Variants in RYR2 observed in about 807,000 individuals in gnomAD.
RYR2 encodes cardiac muscle ryanodine receptor-calcium release channel.
In RYR2, 227 loss-of-function variants were observed where a neutral mutation model predicts 601.1. That is an observed-to-expected ratio of 0.38 (90% CI 0.34 to 0.42). The LOEUF is 0.42. Among genes scored for constraint, RYR2 ranks in the 10% least tolerant of loss-of-function variants. The pLI, the probability that RYR2 is intolerant of heterozygous loss-of-function variation, is 1.00. For missense variants in RYR2, 4,646 were observed against 6,156.5 expected, an observed-to-expected ratio of 0.75 and a Z score of 8.21; for synonymous variants, 2,223 against 2,175.1, an observed-to-expected ratio of 1.02 and a Z score of -0.61.
chr1:237,376,900 C>CA (rs1304961339), intron 7 of RYR2, among the ~76,000 whole-genome samples: 2 of 151,970 alleles, frequency 1.3e-5, no homozygotes, highest in Non-Finnish European at 2.9e-5. Context: ...AGAACATTTT[C>CA]AAAAAATTGT....
At chr1:237,147,209 T>TC (rs1185510151) in intron 1 of RYR2, among the ~76,000 whole-genome samples, 1 of 151,080 alleles carries the variant, frequency 6.6e-6, no homozygotes, top group African/African-American at 2.5e-5. Context: ...GAGAAATCTT[T>TC]CTTTTTAATT....
At chr1:237,735,795 G>C (rs1691089351) in intron 79 of RYR2, among the ~76,000 whole-genome samples, 1 of 152,094 alleles carries the variant, frequency 6.6e-6, no homozygotes, top group African/African-American at 2.4e-5. Context: ...GTAAATAGTT[G>C]TTCAACTCTA....
chr1:237,452,319 T>G (rs1658278150), intron 14 of RYR2, among the ~76,000 whole-genome samples: 1 of 146,632 alleles, frequency 6.8e-6, no homozygotes. Context: ...GTATATGTAT[T>G]ATATGCTATA....
intron 24 of RYR2, among the ~76,000 whole-genome samples, chr1:237,524,530 G>T (rs1667386773): frequency 6.6e-6 from 1 of 152,136 alleles, no homozygotes; most frequent in African/African-American, 2.4e-5. Flanking sequence ...CCTCTAAAAA[G>T]TACATTTTCT....
intron 1 of RYR2, among the ~76,000 whole-genome samples, chr1:237,261,946 T>C (rs941588595): frequency 6.6e-6 from 1 of 152,162 alleles, no homozygotes; most frequent in Non-Finnish European, 1.5e-5. Flanking sequence ...TTTGTCCTCT[T>C]CTCTTGCTAG....
intron 16 of RYR2, among the ~76,000 whole-genome samples, chr1:237,462,728 C>T (rs1386087984): frequency 1.3e-5 from 2 of 152,100 alleles, no homozygotes; most frequent in African/African-American, 4.8e-5. Context: ...AGGCAGATCT[C>T]CCTAAATGCC....
At chr1:237,577,380 G>C (rs1673341471) in intron 29 of RYR2, among the ~76,000 whole-genome samples, 2 of 152,190 alleles carry the variant, frequency 1.3e-5, no homozygotes, top group Admixed American at 1.3e-4. Context: ...TAGCAAAAGA[G>C]ATTTTGTTGA....
At chr1:237,681,892 A>G (rs769681962) in intron 62 of RYR2, among the ~76,000 whole-genome samples, 15 of 152,318 alleles carry the variant, frequency 9.8e-5, no homozygotes, top group Middle Eastern at 3.4e-3. Flanking sequence ...GAAATTGAGG[A>G]CACGTTGAAG....
chr1:237,294,057 G>C (rs899867906), intron 2 of RYR2, among the ~76,000 whole-genome samples: 1 of 152,086 alleles, frequency 6.6e-6, no homozygotes, highest in Non-Finnish European at 1.5e-5. Flanking sequence ...GAACAAAAAA[G>C]GATATTTTTA....
chr1:237,456,760 G>A, intron 16 of RYR2, 25 bp downstream of exon 16: 3 of 1,611,626 alleles, frequency 1.9e-6, no homozygotes, highest in South Asian at 1.1e-5. Context: ...TGGGTTCATA[G>A]CAACAGAGTT....
At chr1:237,454,245 C>T in intron 14 of RYR2, 146 bp from the exon 15 acceptor site, 1 of 765,524 alleles carries the variant, frequency 1.3e-6, no homozygotes, top group East Asian at 2.7e-5. Context: ...TCCATGATCA[C>T]TGCTTTTGGA....
chr1:237,748,717 A>G (rs1692289137), intron 80 of RYR2, among the ~76,000 whole-genome samples: 2 of 152,224 alleles, frequency 1.3e-5, no homozygotes, highest in Non-Finnish European at 2.9e-5. Context: ...ATTCATGCAT[A>G]TGAGTATGTG....
chr1:237,694,278 G>A (rs1034139226), intron 63 of RYR2, among the ~76,000 whole-genome samples: 15 of 148,694 alleles, frequency 1.0e-4, no homozygotes, highest in Non-Finnish European at 1.9e-4. Flanking sequence ...TGGGCGACAC[G>A]GCGAGACTCC....
intron 10 of RYR2, among the ~76,000 whole-genome samples, 199 bp from the exon 11 acceptor site, chr1:237,416,850 A>G (rs186482075): frequency 1.3e-5 from 2 of 152,200 alleles, no homozygotes; most frequent in East Asian, 3.9e-4. Context: ...TATTCAGGGA[A>G]AACTTAGGTT....
At chr1:237,073,078 G>A (rs1394642448) in intron 1 of RYR2, among the ~76,000 whole-genome samples, 1 of 152,110 alleles carries the variant, frequency 6.6e-6, no homozygotes, top group Non-Finnish European at 1.5e-5. Context: ...TAAGGACCTA[G>A]TGTAGAGGAC....
chr1:237,186,486 T>C (rs1218992031), intron 1 of RYR2, among the ~76,000 whole-genome samples: 1 of 152,236 alleles, frequency 6.6e-6, no homozygotes, highest in African/African-American at 2.4e-5. Flanking sequence ...TGTATTGAAA[T>C]GGCTTGAATT....
chr1:237,438,363 T>A (rs1273271497), intron 12 of RYR2, among the ~76,000 whole-genome samples: 1 of 152,208 alleles, frequency 6.6e-6, no homozygotes, highest in Non-Finnish European at 1.5e-5. Context: ...TTTCTTTGTA[T>A]CTGCTTATTT....
intron 1 of RYR2, among the ~76,000 whole-genome samples, chr1:237,145,080 A>G (rs1438570212): frequency 3.3e-5 from 5 of 149,944 alleles, no homozygotes; most frequent in African/African-American, 9.8e-5. Context: ...GGGTTGGGGG[A>G]GCTAGGGGAG....
At chr1:237,503,202 C>A in intron 21 of RYR2, 87 bp from the exon 22 acceptor site, 1 of 1,210,478 alleles carries the variant, frequency 8.3e-7, no homozygotes, top group Non-Finnish European at 1.2e-6. Flanking sequence ...TACTTTTGTA[C>A]TAACAATTTT....
Sources: gnomAD v4.1 joint callset for allele counts (sites outside exome capture counted in the v4.1 genomes callset) on GRCh38, gnomAD v4.1.1 for gene constraint, MANE v1.5 for transcripts, NCBI Gene and HGNC (gene_info 2026-07-23, HGNC 2026-07-21) for gene names.